The following NEK6 variants were observed in gnomAD, a reference collection of about 807,000 sequenced individuals.
NEK6 encodes the protein serine/threonine-protein kinase Nek6.
In NEK6, 27 loss-of-function variants were observed where a neutral mutation model predicts 43.5. That is an observed-to-expected ratio of 0.62 (90% CI 0.46 to 0.86). The LOEUF is 0.86. Among genes scored for constraint, NEK6 ranks in the 40% least tolerant of loss-of-function variants. NEK6 has a pLI of 0.00. For missense variants in NEK6, 318 were observed against 414.4 expected (o/e 0.77, Z 2.02); for synonymous variants, 167 against 164.1 (o/e 1.02, Z -0.14).
intron 7 of NEK6, among the ~76,000 whole-genome samples, chr9:124,333,533 C>CT (rs1346170125): frequency 1.3e-5 from 2 of 152,232 alleles, no homozygotes; most frequent in Non-Finnish European, 2.9e-5. Flanking sequence ...AGTTCCTTCA[C>CT]TTTCTTTACC....
chr9:124,299,764 A>G (rs1210099948), intron 1 of NEK6, among the ~76,000 whole-genome samples: 1 of 152,094 alleles, frequency 6.6e-6, no homozygotes, highest in African/African-American at 2.4e-5. Context: ...TAAAAAGACA[A>G]CAAGAGACCT....
chr9:124,347,844 G>C, intron 9 of NEK6, 22 bp downstream of exon 9: 2 of 1,509,422 alleles, frequency 1.3e-6, no homozygotes, highest in African/African-American at 1.4e-5. Flanking sequence ...GGAGCCGGAG[G>C]CCTCGCCAGC....
intron 4 of NEK6, among the ~76,000 whole-genome samples, chr9:124,316,186 C>T (rs1252133419): frequency 1.3e-5 from 2 of 152,238 alleles, no homozygotes; most frequent in Non-Finnish European, 2.9e-5. Context: ...TGACATATCA[C>T]ATCATTCATG....
rs1833592708 is a variant in NEK6, at chr9:124,312,599, A to G, written c.181A>G (p.Lys61Glu). 2 of 1,614,098 alleles carry G rather than the reference A, an allele frequency of 1.2e-6. No homozygotes were observed. Among genetic ancestry groups the G allele is most frequent in the Non-Finnish European group, 1.7e-6 (2 of 1,179,942 alleles). ...CCGAGGACAGTTCAGCGAGGTGTAC[A>G]AGGCCACCTGCCTGCTGGACAGGAA... ...IGRGQFSEVY[K>E]ATCLLDRKTV... The change falls in exon 3 of 10, where the codon AAG (lysine) becomes GAG (glutamate). Residue 61 changes from lysine (K) to glutamate (E), a missense_variant. Lys to Glu is a moderately conservative substitution (Grantham distance 56). Coordinates refer to ENST00000320246, the MANE Select transcript of NEK6 (RefSeq NM_014397.6).
At chr9:124,321,770 G>C (rs1238219412) in intron 5 of NEK6, among the ~76,000 whole-genome samples, 1 of 152,250 alleles carries the variant, frequency 6.6e-6, no homozygotes, top group Non-Finnish European at 1.5e-5. Flanking sequence ...CCCAGCTGCT[G>C]TTGCTGGAGG....
intron 2 of NEK6, among the ~76,000 whole-genome samples, chr9:124,306,273 C>T (rs958017037): frequency 1.3e-5 from 2 of 152,010 alleles, no homozygotes; most frequent in Non-Finnish European, 2.9e-5. Context: ...TGTGAGTCGT[C>T]GGAGCTGGTT....
At chr9:124,350,211 T>TAAGA (rs1403254440) in intron 9 of NEK6, among the ~76,000 whole-genome samples, 1 of 152,178 alleles carries the variant, frequency 6.6e-6, no homozygotes, top group Non-Finnish European at 1.5e-5. Flanking sequence ...TGATGCAGGG[T>TAAGA]AAGATGTAGG....
intron 1 of NEK6, among the ~76,000 whole-genome samples, chr9:124,298,351 G>A (rs568258352): frequency 1.6e-4 from 25 of 152,118 alleles, no homozygotes; most frequent in Admixed American, 2.6e-4. Flanking sequence ...GCTCCTCCCT[G>A]GAGGCTAACG....
chr9:124,257,885 C>G, upstream of NEK6: 1 of 992,192 alleles, frequency 1.0e-6, no homozygotes, highest in Non-Finnish European at 1.2e-6. Flanking sequence ...CGCGCACGAG[C>G]GCTGGGGGCG....
intron 1 of NEK6, among the ~76,000 whole-genome samples, chr9:124,289,167 AC>A (rs1203191463): frequency 1.1e-3 from 17 of 15,180 alleles, no homozygotes; most frequent in African/African-American, 2.6e-3. Flanking sequence ...TTGATTGGAC[AC>A]CCCCCCCGCC....
intron 1 of NEK6, among the ~76,000 whole-genome samples, chr9:124,295,649 G>C (rs562550774): frequency 1.3e-5 from 2 of 152,212 alleles, no homozygotes; most frequent in African/African-American, 4.8e-5. Context: ...AGCAGGGCCC[G>C]TCTAGGGGTC....
chr9:124,281,504 T>C (rs1490596307), intron 1 of NEK6, among the ~76,000 whole-genome samples: 2 of 142,678 alleles, frequency 1.4e-5, no homozygotes, highest in African/African-American at 5.2e-5. Context: ...TTTTTTTTTT[T>C]TTTTTTTTTT....
rs138131990 is a variant in NEK6 at position 124,264,237 on chromosome 9, G to A, written c.-30+6152G>A. ...CCGGAAGTGGCTATCGCTCTGGGGCGGCTTCTCTGCCAGCTCGTCACACCC... is the reference window on the plus strand; with the variant it reads ...CCGGAAGTGGCTATCGCTCTGGGGCAGCTTCTCTGCCAGCTCGTCACACCC... On this transcript the variant is annotated intron_variant, in intron 1 of 9. Transcript: ENST00000320246. 1.6e-4 allele frequency among the ~76,000 whole-genome samples: 25 copies of A among 152,308 alleles called. No individual in the cohort carries two copies. In the East Asian group the frequency reaches 4.1e-3, roughly 25 times the overall value.
chr9:124,282,705 A>T (rs975350102), intron 1 of NEK6, among the ~76,000 whole-genome samples: 14 of 152,202 alleles, frequency 9.2e-5, no homozygotes, highest in Admixed American at 3.9e-4. Context: ...TCCCAGATTC[A>T]TTCCTACGCT....
At chr9:124,288,977 G>A (rs899542188) in intron 1 of NEK6, among the ~76,000 whole-genome samples, 2 of 152,032 alleles carry the variant, frequency 1.3e-5, no homozygotes, top group African/African-American at 2.4e-5. Context: ...TTTTTGGTTG[G>A]TGTTTCGTTT....
At chr9:124,309,514 G>T (rs750674912) in intron 2 of NEK6, among the ~76,000 whole-genome samples, 3 of 152,186 alleles carry the variant, frequency 2.0e-5, no homozygotes, top group African/African-American at 7.2e-5. Flanking sequence ...GGCCCAAGAG[G>T]GGAGGGAGCC....
chr9:124,279,483 G>A (rs10986297), intron 1 of NEK6, among the ~76,000 whole-genome samples: 8,550 of 152,144 alleles, frequency 0.056, 361 homozygotes, highest in Non-Finnish European at 0.085. Context: ...TGTATTTTTA[G>A]TAGAGGCAGG....
rs552588769 is a variant in NEK6 at position 124,301,303 on chromosome 9, C to G, written c.-29-633C>G. ...GGCTGCTGTGACTACCTATGACCAG[C>G]ATCTCTGACTCTCCCAGGGCAGCCC... On this transcript the variant is annotated intron_variant, in intron 1 of 9. Coordinates refer to ENST00000320246, the MANE Select transcript of NEK6 (RefSeq NM_014397.6). 2.0e-5 allele frequency among the ~76,000 whole-genome samples: 3 copies of G among 152,326 alleles called. No individual in the cohort carries two copies. The South Asian group carries it at 6.2e-4, about 32-fold the overall frequency.
chr9:124,258,356 GT>G (rs1325741965), intron 1 of NEK6: 1 of 984,606 alleles, frequency 1.0e-6, no homozygotes, highest in Non-Finnish European at 1.2e-6. Context: ...TGGTGGCGTT[GT>G]TGGGGTGAGT....
Sources: gnomAD v4.1 joint callset for allele counts (sites outside exome capture counted in the v4.1 genomes callset) on GRCh38, gnomAD v4.1.1 for gene constraint, MANE v1.5 for transcripts, NCBI Gene and HGNC (gene_info 2026-07-23, HGNC 2026-07-21) for gene names.